Variants in PTGER3 observed in about 807,000 individuals in gnomAD.
The protein encoded by PTGER3 is prostaglandin E receptor 3, also known as prostaglandin E2 receptor EP3 subtype.
A neutral mutation model predicts 34.7 loss-of-function variants in PTGER3; 22 were observed. That is an observed-to-expected ratio of 0.63 (90% CI 0.45 to 0.91). PTGER3 has a LOEUF of 0.91. PTGER3 is among the 40% of genes least tolerant of loss of function. The probability of loss-of-function intolerance (pLI) is 0.00; values close to 1 mark genes in which losing one functional copy is unlikely to be tolerated. For synonymous variants in PTGER3, 241 were observed against 230.1 expected, an observed-to-expected ratio of 1.05 and a Z score of -0.43; for missense variants, 468 against 519.4, an observed-to-expected ratio of 0.90 and a Z score of 0.96.
chr1:70,872,709 A>C (rs890592774), intron 4 of PTGER3, among the ~76,000 whole-genome samples: 2 of 152,212 alleles, frequency 1.3e-5, no homozygotes, highest in Non-Finnish European at 1.5e-5. Context: ...TTATAAAATT[A>C]ACAAAAATTG....
At chr1:70,855,285 A>G (rs1235590605) in intron 4 of PTGER3, among the ~76,000 whole-genome samples, 3 of 152,192 alleles carry the variant, frequency 2.0e-5, no homozygotes. Context: ...CAACTCATAG[A>G]AAGCAGAATT....
chr1:70,964,118 C>T (rs537707743), intron 2 of PTGER3, among the ~76,000 whole-genome samples: 27 of 152,176 alleles, frequency 1.8e-4, no homozygotes, highest in Non-Finnish European at 5.9e-5. Context: ...GTCCACATCA[C>T]TATCAGCATT....
chr1:70,877,052 G>A (rs1646287513), intron 4 of PTGER3, among the ~76,000 whole-genome samples: 1 of 152,110 alleles, frequency 6.6e-6, no homozygotes, highest in African/African-American at 2.4e-5. Flanking sequence ...GGGAAGTGTG[G>A]TCATTTTAAC....
chr1:70,983,083 A>G (rs1654546165), intron 2 of PTGER3, among the ~76,000 whole-genome samples: 1 of 152,058 alleles, frequency 6.6e-6, no homozygotes. Context: ...GATTAGAAGC[A>G]CAGTAGAGAG....
intron 1 of PTGER3, among the ~76,000 whole-genome samples, chr1:71,033,928 A>G (rs1226654709): frequency 6.6e-6 from 1 of 152,132 alleles, no homozygotes; most frequent in Non-Finnish European, 1.5e-5. Flanking sequence ...CTCATTACCT[A>G]ATAATATAAT....
At chr1:70,924,673 T>G (rs1647876040) in intron 4 of PTGER3, among the ~76,000 whole-genome samples, 1 of 152,210 alleles carries the variant, frequency 6.6e-6, no homozygotes, top group African/African-American at 2.4e-5. Context: ...ATATTGCTAT[T>G]GTACTCTTTT....
chr1:70,909,271 C>T (rs1230938034), intron 4 of PTGER3, among the ~76,000 whole-genome samples: 2 of 152,150 alleles, frequency 1.3e-5, no homozygotes, highest in African/African-American at 2.4e-5. Context: ...GCTATGTGTA[C>T]GTGTTTATTT....
At chr1:70,964,086 C>T (rs894159507) in intron 2 of PTGER3, among the ~76,000 whole-genome samples, 2 of 152,174 alleles carry the variant, frequency 1.3e-5, no homozygotes, top group African/African-American at 4.8e-5. Flanking sequence ...CCATCTGAGA[C>T]CATGTCAGCC....
At position 70,973,300 on chromosome 1, in the gene PTGER3, G is replaced by T. The variant is rs1000746262; in HGVS notation, c.1169+997C>A. Among the ~76,000 whole-genome samples, 74 of 152,112 alleles carry T rather than the reference G, an allele frequency of 4.9e-4. 2 individuals are homozygous for T. Among genetic ancestry groups the T allele is most frequent in the African/African-American group, 1.7e-3 (72 of 41,472 alleles). On this transcript the variant is annotated intron_variant, in intron 3 of 3. Coordinates refer to ENST00000306666, the MANE Select transcript of PTGER3 (RefSeq NM_198719.2). ...TACGTAGACAGATAGATGTGGGGAA[G>T]GATATAGGATTATAAATGTGAGTTG...
At chr1:71,010,873 T>A (rs1376911921) in intron 2 of PTGER3, 3 of 984,978 alleles carry the variant, frequency 3.0e-6, no homozygotes, top group Non-Finnish European at 3.6e-6. Flanking sequence ...CTATCAAAAT[T>A]AATTCTTTAC....
chr1:70,941,598 A>G (rs1455977688), intron 4 of PTGER3, among the ~76,000 whole-genome samples: 2 of 152,080 alleles, frequency 1.3e-5, no homozygotes, highest in African/African-American at 4.8e-5. Flanking sequence ...GCCTTTCCCA[A>G]GCCCTCTCCT....
At chr1:70,909,792 T>C (rs1467990124) in intron 4 of PTGER3, among the ~76,000 whole-genome samples, 2 of 152,198 alleles carry the variant, frequency 1.3e-5, no homozygotes, top group Non-Finnish European at 2.9e-5. Context: ...CATGGGATAT[T>C]ACAAGAAAGG....
At chr1:70,883,214 A>G (rs1646429474) in intron 4 of PTGER3, among the ~76,000 whole-genome samples, 1 of 152,176 alleles carries the variant, frequency 6.6e-6, no homozygotes, top group Admixed American at 6.5e-5. Context: ...GGCAGTTTTT[A>G]TGCCTAGAAA....
At chr1:70,978,810 G>T (rs1653961716) in intron 2 of PTGER3, among the ~76,000 whole-genome samples, 3 of 152,040 alleles carry the variant, frequency 2.0e-5, no homozygotes, top group Admixed American at 1.3e-4. Flanking sequence ...TGGGCATAAA[G>T]AAAACTGCAC....
At chr1:71,000,192 G>A (rs924542833) in intron 2 of PTGER3, among the ~76,000 whole-genome samples, 2 of 152,144 alleles carry the variant, frequency 1.3e-5, no homozygotes, top group Non-Finnish European at 2.9e-5. Context: ...TTTGCTCATG[G>A]ATAACACATG....
intron 4 of PTGER3, among the ~76,000 whole-genome samples, chr1:70,926,476 CTGTT>C (rs1189366759): frequency 3.3e-5 from 5 of 152,068 alleles, no homozygotes; most frequent in African/African-American, 7.2e-5. Context: ...ATTTGGCTCT[CTGTT>C]TGTCTGTTAT....
At chr1:71,038,265 C>CA in intron 1 of PTGER3, among the ~76,000 whole-genome samples, 1 of 152,218 alleles carries the variant, frequency 6.6e-6, no homozygotes, top group African/African-American at 2.4e-5. Flanking sequence ...CAGGATATAA[C>CA]AAAAAATTAG....
At chr1:70,859,324 T>A (rs1238277637) in intron 4 of PTGER3, among the ~76,000 whole-genome samples, 1 of 152,246 alleles carries the variant, frequency 6.6e-6, no homozygotes, top group African/African-American at 2.4e-5. Context: ...GTGAAAAATG[T>A]TAGAGTCATG....
At position 70,937,733 on chromosome 1, in the gene PTGER3, A is replaced by G. The variant is rs181862573; in HGVS notation, c.*23+16030T>C. Among the ~76,000 whole-genome samples, 221 of 152,266 alleles carry G rather than the reference A, an allele frequency of 1.5e-3. 1 individual carries two copies. Among genetic ancestry groups the G allele is most frequent in the African/African-American group, 4.9e-3 (205 of 41,550 alleles). On this transcript the variant is annotated intron_variant, in intron 4 of 4. Transcript: ENST00000370931. ...TTTAAAAACATACTGTTTCTTTATCATCTTACAACCATTTATTTAATGGTT... is the reference window on the plus strand; with the variant it reads ...TTTAAAAACATACTGTTTCTTTATCGTCTTACAACCATTTATTTAATGGTT...
Sources: allele counts gnomAD v4.1 joint callset (sites outside exome capture counted in the v4.1 genomes callset), GRCh38; gene constraint gnomAD v4.1.1; transcripts MANE v1.5; gene names NCBI Gene and HGNC (gene_info 2026-07-23, HGNC 2026-07-21).